Variants in BABAM2 observed in about 807,000 individuals in gnomAD.
The protein encoded by BABAM2 is BRISC and BRCA1 A complex member 2.
Under a neutral mutation model 54.7 loss-of-function variants are expected in BABAM2, and 31 were observed. The ratio of observed to expected loss-of-function variants is 0.57; its 90% confidence interval spans 0.43 to 0.77. BABAM2 has a LOEUF of 0.77. BABAM2 is among the 30% of genes least tolerant of loss of function. The pLI is 0.00. For synonymous variants in BABAM2, 167 were observed against 162.9 expected, an observed-to-expected ratio of 1.03 and a Z score of -0.19; for missense variants, 364 against 455.8, an observed-to-expected ratio of 0.80 and a Z score of 1.83.
chr2:28,210,385 T>C (rs1310624499), intron 7 of BABAM2, among the ~76,000 whole-genome samples: 1 of 152,190 alleles, frequency 6.6e-6, no homozygotes, highest in Non-Finnish European at 1.5e-5. Flanking sequence ...AAGTTTTGAA[T>C]GTGGTGTACC....
At chr2:27,960,799 A>T (rs927417218) in intron 3 of BABAM2, among the ~76,000 whole-genome samples, 1 of 152,168 alleles carries the variant, frequency 6.6e-6, no homozygotes, top group Non-Finnish European at 1.5e-5. Context: ...CCCAAGCCCA[A>T]TGCTTTTTCC....
At chr2:27,917,014 C>CTTTTTTTTTT (rs753765833) in intron 2 of BABAM2, among the ~76,000 whole-genome samples, 2 of 90,108 alleles carry the variant, frequency 2.2e-5, no homozygotes, top group Non-Finnish European at 2.3e-5. Context: ...TCACTCCAAA[C>CTTTTTTTTTT]TTTTTTTTTT....
At chr2:28,168,077 A>G (rs917889765) in intron 7 of BABAM2, among the ~76,000 whole-genome samples, 3 of 152,154 alleles carry the variant, frequency 2.0e-5, no homozygotes, top group African/African-American at 7.2e-5. Context: ...GACCTTCCTC[A>G]TCCAAGGGCT....
At position 28,331,146 on chromosome 2, in the gene BABAM2, C is replaced by T. The variant is rs1402540038; in HGVS notation, c.1089-7304C>T. ...GCAGAAATTTGAAACTGGACCGTCT[C>T]CTTACACCTCATACAAAAATTAACT... is the stretch of plus-strand genomic sequence containing the variant. On this transcript the variant is annotated intron_variant, in intron 11 of 11. Coordinates refer to ENST00000379624, the MANE Select transcript of BABAM2 (RefSeq NM_199191.3). Among the ~76,000 whole-genome samples the T allele has an allele frequency of 2.6e-5, 4 of 152,162 alleles. No homozygotes were observed. In the East Asian group the frequency reaches 7.7e-4, roughly 29 times the overall value.
At chr2:28,170,155 C>G (rs1207577260) in intron 7 of BABAM2, among the ~76,000 whole-genome samples, 1 of 151,572 alleles carries the variant, frequency 6.6e-6, no homozygotes, top group Non-Finnish European at 1.5e-5. Flanking sequence ...TAATTACAAA[C>G]AAAAGATAAG....
rs1284586840 is a variant in BABAM2, at chr2:27,988,049, G to A, written c.262G>A (p.Glu88Lys). Residue 88 changes from glutamate (E) to lysine (K), a missense_variant, in exon 4 of 12, where the codon GAA (glutamate) becomes AAA (lysine). Coordinates refer to ENST00000379624, the MANE Select transcript of BABAM2 (RefSeq NM_199191.3). ...ACTGCCTCCCGATTTTATCTTTGGA[G>A]AAGATGCTGAATTCCTGCCAGACCC... Reference protein sequence around the residue: ...PELPPDFIFGEDAEFLPDPSA... With the variant: ...PELPPDFIFGKDAEFLPDPSA... 1.2e-6 allele frequency: 2 copies of A among 1,613,600 alleles called. No homozygotes were observed. Among genetic ancestry groups the A allele is most frequent in the Non-Finnish European group, 1.7e-6 (2 of 1,179,720 alleles).
At chr2:28,232,336 C>T (rs1681487282) in intron 7 of BABAM2, among the ~76,000 whole-genome samples, 1 of 152,160 alleles carries the variant, frequency 6.6e-6, no homozygotes, top group Admixed American at 6.5e-5. Context: ...ACCCCATTGT[C>T]CCAAGCCAAG....
chr2:28,246,529 G>A (rs1355884369), intron 10 of BABAM2, among the ~76,000 whole-genome samples: 1 of 152,134 alleles, frequency 6.6e-6, no homozygotes, highest in Non-Finnish European at 1.5e-5. Context: ...AATGATGGTG[G>A]TGACGGCCTC....
chr2:28,045,163 T>G (rs1341495136), intron 5 of BABAM2, among the ~76,000 whole-genome samples: 1 of 152,186 alleles, frequency 6.6e-6, no homozygotes, highest in Non-Finnish European at 1.5e-5. Flanking sequence ...TAGAGATTAG[T>G]TCATGGAGGG....
chr2:28,294,124 T>C (rs1687498627), intron 10 of BABAM2, among the ~76,000 whole-genome samples: 1 of 152,156 alleles, frequency 6.6e-6, no homozygotes, highest in Non-Finnish European at 1.5e-5. Flanking sequence ...CTCATGCCTG[T>C]AATCCCAGCA....
At chr2:28,035,793 C>T (rs899378102) in intron 5 of BABAM2, among the ~76,000 whole-genome samples, 6 of 151,978 alleles carry the variant, frequency 3.9e-5, no homozygotes, top group Admixed American at 3.9e-4. Flanking sequence ...GTGTGGATAC[C>T]TAAATTACTT....
rs117752093 is a variant in BABAM2, at chr2:28,130,705, C to T, written c.680+1325C>T. Among the ~76,000 whole-genome samples, 6 of 151,926 alleles carry T rather than the reference C, an allele frequency of 3.9e-5. No individual in the cohort carries two copies. The East Asian group carries it at 7.8e-4, about 20-fold the overall frequency. On this transcript the variant is annotated intron_variant, in intron 7 of 11. Coordinates refer to ENST00000379624, the MANE Select transcript of BABAM2 (RefSeq NM_199191.3). ...CTAGGCTCAAGTGATTCTGCTGCCT[C>T]GGCCTCCCAAAGAATGTTTCTGTTT...
chr2:28,253,899 C>T (rs1357581237), intron 10 of BABAM2, among the ~76,000 whole-genome samples: 1 of 152,138 alleles, frequency 6.6e-6, no homozygotes, highest in Non-Finnish European at 1.5e-5. Context: ...AATCCCCTGT[C>T]CTGTGGCACA....
intron 3 of BABAM2, among the ~76,000 whole-genome samples, chr2:27,932,740 C>A (rs1668187025): frequency 6.6e-6 from 1 of 152,166 alleles, no homozygotes; most frequent in Non-Finnish European, 1.5e-5. Context: ...ATTCTTGCCT[C>A]CCCTTACACT....
At chr2:28,244,903 T>G (rs780995473) in intron 10 of BABAM2, 41 bp downstream of exon 10, 1 of 1,544,932 alleles carries the variant, frequency 6.5e-7, no homozygotes, top group Non-Finnish European at 8.9e-7. Context: ...CATACATTTT[T>G]AAATGTCCTA....
chr2:28,054,403 T>C (rs1357286186), intron 6 of BABAM2, among the ~76,000 whole-genome samples: 1 of 152,206 alleles, frequency 6.6e-6, no homozygotes. Context: ...CTTCCAAGTC[T>C]TAGTTTCCCA....
chr2:28,018,231 C>A (rs1042671912), intron 4 of BABAM2, among the ~76,000 whole-genome samples: 1 of 152,222 alleles, frequency 6.6e-6, no homozygotes, highest in African/African-American at 2.4e-5. Context: ...CGTAGCTTAG[C>A]TCCCACGTGT....
At chr2:27,994,018 G>A (rs758052073) in intron 4 of BABAM2, among the ~76,000 whole-genome samples, 3 of 152,190 alleles carry the variant, frequency 2.0e-5, no homozygotes, top group Admixed American at 6.5e-5. Context: ...ACACTTTTAA[G>A]TGCCTTGGCC....
intron 3 of BABAM2, among the ~76,000 whole-genome samples, chr2:27,931,576 C>T (rs1193129450): frequency 6.6e-6 from 1 of 151,990 alleles, no homozygotes; most frequent in Non-Finnish European, 1.5e-5. Flanking sequence ...ATTATTGGTT[C>T]CTGTGTTGGT....
Sources: gnomAD v4.1 joint callset for allele counts (sites outside exome capture counted in the v4.1 genomes callset) on GRCh38, gnomAD v4.1.1 for gene constraint, MANE v1.5 for transcripts, NCBI Gene and HGNC (gene_info 2026-07-23, HGNC 2026-07-21) for gene names.